EPHB1: variants seen among roughly 807,000 people sequenced by gnomAD.
EPHB1 encodes the protein EPH receptor B1.
A neutral mutation model predicts 94.4 loss-of-function variants in EPHB1; 30 were observed. The ratio of observed to expected loss-of-function variants is 0.32; its 90% confidence interval spans 0.24 to 0.43. The LOEUF is 0.43. Ranked by LOEUF, EPHB1 falls within the 20% of genes least tolerant of loss-of-function variation. The pLI is 1.00. For missense variants in EPHB1, 1,055 were observed against 1,308.3 expected (o/e 0.81, Z 2.99); for synonymous variants, 522 against 489.1 (o/e 1.07, Z -0.89).
intron 12 of EPHB1, 40 bp downstream of exon 12, chr3:135,201,729 G>T: frequency 6.3e-7 from 1 of 1,584,112 alleles, no homozygotes; most frequent in African/African-American, 1.3e-5. Context: ...AGCATGGCAT[G>T]AGTTAAAGGG....
chr3:135,189,537 A>G (rs1464337627), intron 10 of EPHB1, among the ~76,000 whole-genome samples: 2 of 152,210 alleles, frequency 1.3e-5, no homozygotes, highest in Non-Finnish European at 2.9e-5. Flanking sequence ...CTGCACTTTT[A>G]CTTTGCACCG....
chr3:135,179,669 T>A (rs1410538433), intron 9 of EPHB1, among the ~76,000 whole-genome samples, 191 bp from the exon 10 acceptor site: 3 of 152,014 alleles, frequency 2.0e-5, no homozygotes, highest in East Asian at 3.9e-4. Flanking sequence ...GGACAGAGAA[T>A]CAGTCTAGAA....
chr3:135,192,335 T>TAAAACAAACTCACATA (rs1553746551), intron 10 of EPHB1, among the ~76,000 whole-genome samples: 14 of 151,974 alleles, frequency 9.2e-5, no homozygotes, highest in South Asian at 2.1e-4. Flanking sequence ...AAATTCCACT[T>TAAAACAAACTCACATA]TAGTTACCCA....
At chr3:135,173,096 G>A (rs1941855650) in intron 9 of EPHB1, among the ~76,000 whole-genome samples, 4 of 150,084 alleles carry the variant, frequency 2.7e-5, no homozygotes, top group South Asian at 2.1e-4. Flanking sequence ...GTGCAGTGGC[G>A]GGATCTCAGC....
chr3:134,929,737 A>T (rs1375863429), intron 2 of EPHB1, among the ~76,000 whole-genome samples: 1 of 152,180 alleles, frequency 6.6e-6, no homozygotes, highest in Non-Finnish European at 1.5e-5. Flanking sequence ...CTTCAGATTT[A>T]AGACACACAG....
At chr3:135,233,382 T>A (rs2107725081) in intron 12 of EPHB1, among the ~76,000 whole-genome samples, 1 of 152,354 alleles carries the variant, frequency 6.6e-6, no homozygotes. Context: ...CAAAATGATA[T>A]CCTTTGATTC....
chr3:135,230,540 TA>T (rs1943509919), intron 12 of EPHB1, among the ~76,000 whole-genome samples: 2 of 152,166 alleles, frequency 1.3e-5, no homozygotes, highest in African/African-American at 4.8e-5. Flanking sequence ...CCTGCACCAT[TA>T]TTTTTTATTT....
At chr3:134,902,529 T>C (rs1330383009) in intron 1 of EPHB1, among the ~76,000 whole-genome samples, 1 of 152,214 alleles carries the variant, frequency 6.6e-6, no homozygotes, top group East Asian at 1.9e-4. Context: ...TATTTAAAAA[T>C]CAGATAAAGA....
chr3:135,133,078 T>C, intron 5 of EPHB1, 29 bp downstream of exon 5: 2 of 1,544,842 alleles, frequency 1.3e-6, no homozygotes, highest in South Asian at 1.2e-5. Context: ...GTGCTCCTGT[T>C]TGGATGTGTG....
intron 11 of EPHB1, among the ~76,000 whole-genome samples, chr3:135,194,540 G>T (rs904038610): frequency 2.6e-5 from 4 of 152,192 alleles, no homozygotes; most frequent in Non-Finnish European, 5.9e-5. Flanking sequence ...GACCTATTTG[G>T]TAATTTATCA....
At chr3:134,929,382 A>G (rs2038860062) in intron 2 of EPHB1, among the ~76,000 whole-genome samples, 2 of 152,222 alleles carry the variant, frequency 1.3e-5, no homozygotes, top group South Asian at 2.1e-4. Flanking sequence ...GAGGCTGGGC[A>G]TATTTCAGAG....
At chr3:135,183,596 G>A (rs1424892983) in intron 10 of EPHB1, among the ~76,000 whole-genome samples, 1 of 152,190 alleles carries the variant, frequency 6.6e-6, no homozygotes, top group Non-Finnish European at 1.5e-5. Context: ...TGAGAGGAAG[G>A]CAGTGATTGA....
intron 3 of EPHB1, 89 bp downstream of exon 3, chr3:134,952,141 A>G: frequency 7.3e-7 from 1 of 1,365,202 alleles, no homozygotes. Flanking sequence ...TCATACAGGA[A>G]CAGAAAATAG....
chr3:134,830,435 C>A (rs894712065), intron 1 of EPHB1, among the ~76,000 whole-genome samples: 1 of 152,082 alleles, frequency 6.6e-6, no homozygotes, highest in Non-Finnish European at 1.5e-5. Context: ...AAAATATTTT[C>A]AATTAAAATT....
chr3:134,917,092 A>G (rs1210910287), intron 1 of EPHB1, among the ~76,000 whole-genome samples: 2 of 152,202 alleles, frequency 1.3e-5, no homozygotes, highest in Non-Finnish European at 2.9e-5. Flanking sequence ...ACACACTACT[A>G]AGCCACTGTA....
chr3:135,016,241 G>T (rs1426926454), intron 3 of EPHB1, among the ~76,000 whole-genome samples: 1 of 152,204 alleles, frequency 6.6e-6, no homozygotes, highest in Non-Finnish European at 1.5e-5. Context: ...TCCAGCAACA[G>T]CCTCTGTTTT....
chr3:135,222,340 C>T (rs1288010725), intron 12 of EPHB1, among the ~76,000 whole-genome samples: 1 of 152,154 alleles, frequency 6.6e-6, no homozygotes, highest in Non-Finnish European at 1.5e-5. Flanking sequence ...GTGTTCTGTT[C>T]CATGCCTGTT....
chr3:135,150,973 G>T (rs1941173660), intron 5 of EPHB1, among the ~76,000 whole-genome samples: 1 of 152,106 alleles, frequency 6.6e-6, no homozygotes, highest in Non-Finnish European at 1.5e-5. Context: ...AGATGTTTAG[G>T]CCAAAACCCT....
intron 2 of EPHB1, among the ~76,000 whole-genome samples, chr3:134,938,855 A>G (rs2039061185): frequency 6.6e-6 from 1 of 152,120 alleles, no homozygotes; most frequent in Non-Finnish European, 1.5e-5. Context: ...AGAGAAGTTT[A>G]AAGACTTGCC....
Sources: allele counts gnomAD v4.1 joint callset (sites outside exome capture counted in the v4.1 genomes callset), GRCh38; gene constraint gnomAD v4.1.1; transcripts MANE v1.5; gene names NCBI Gene and HGNC (gene_info 2026-07-23, HGNC 2026-07-21).